The following CATSPERT variants were observed in gnomAD, a reference collection of about 807,000 sequenced individuals.
CATSPERT encodes the protein cation channel sperm-associated targeting subunit tau.
chr2:201,501,392 T>A, the CATSPERT span, among the ~76,000 whole-genome samples: 4 of 77,948 alleles, frequency 5.1e-5, no homozygotes, highest in South Asian at 4.3e-4. Flanking sequence ...CGAAACTCCA[T>A]CTCAAAAAAA....
chr2:201,614,801 T>C, the CATSPERT span, among the ~76,000 whole-genome samples: 1 of 152,198 alleles, frequency 6.6e-6, no homozygotes, highest in Non-Finnish European at 1.5e-5. Context: ...CAGTGTGCTG[T>C]ATTTAGGAGA....
At chr2:201,604,742 T>C in the CATSPERT span, 1 of 1,360,834 alleles carries the variant, frequency 7.3e-7, no homozygotes, top group Non-Finnish European at 1.0e-6. Context: ...AAGACAAACA[T>C]AACTAGATGA....
At chr2:201,588,015 A>C in the CATSPERT span, among the ~76,000 whole-genome samples, 1 of 152,084 alleles carries the variant, frequency 6.6e-6, no homozygotes, top group Non-Finnish European at 1.5e-5. Flanking sequence ...TAGCCTACCA[A>C]CCAGAAAAAG....
chr2:201,544,723 G>A, the CATSPERT span, among the ~76,000 whole-genome samples: 1 of 150,894 alleles, frequency 6.6e-6, no homozygotes. Flanking sequence ...GGTGGCTTAT[G>A]CCTATAATCT....
the CATSPERT span, among the ~76,000 whole-genome samples, chr2:201,567,334 T>C: frequency 6.6e-6 from 1 of 152,194 alleles, no homozygotes; most frequent in Non-Finnish European, 1.5e-5. Context: ...TGTTCCTCTC[T>C]TCCATTATAT....
the CATSPERT span, among the ~76,000 whole-genome samples, chr2:201,515,584 C>T: frequency 1.3e-5 from 2 of 152,040 alleles, no homozygotes; most frequent in Admixed American, 1.3e-4. Context: ...ACCAACAGGG[C>T]ATCACCTGTA....
the CATSPERT span, among the ~76,000 whole-genome samples, chr2:201,586,178 A>G: frequency 6.6e-6 from 1 of 152,140 alleles, no homozygotes; most frequent in African/African-American, 2.4e-5. Context: ...AACATACAAA[A>G]TATGTGTCGA....
the CATSPERT span, chr2:201,547,537 G>C: frequency 2.6e-6 from 4 of 1,558,580 alleles, no homozygotes; most frequent in Non-Finnish European, 3.5e-6. Flanking sequence ...TTTGGCATTA[G>C]AATGCTTTCT....
At chr2:201,600,028 C>T in the CATSPERT span, among the ~76,000 whole-genome samples, 8 of 152,114 alleles carry the variant, frequency 5.3e-5, no homozygotes, top group South Asian at 2.1e-4. Context: ...CACAGTGTGG[C>T]GATTCCTCAA....
chr2:201,591,460 C>A, the CATSPERT span, among the ~76,000 whole-genome samples: 2 of 151,644 alleles, frequency 1.3e-5, no homozygotes, highest in African/African-American at 4.8e-5. Flanking sequence ...ATTGACTTGG[C>A]AATGCGGGCT....
chr2:201,555,598 A>G, the CATSPERT span: 1 of 152,162 alleles, frequency 6.6e-6, no homozygotes, highest in Non-Finnish European at 1.5e-5. Context: ...AGCTCAACGA[A>G]TTTTTATAGG....
the CATSPERT span, among the ~76,000 whole-genome samples, chr2:201,523,727 A>G: frequency 6.6e-6 from 1 of 152,220 alleles, no homozygotes; most frequent in East Asian, 1.9e-4. Flanking sequence ...TTGAAACCCA[A>G]TTCAAGGAAT....
the CATSPERT span, among the ~76,000 whole-genome samples, chr2:201,604,236 C>T: frequency 6.6e-6 from 1 of 151,676 alleles, no homozygotes; most frequent in African/African-American, 2.4e-5. Flanking sequence ...GGCGCAGGAT[C>T]AATTTTCAGA....
At chr2:201,606,428 T>C in the CATSPERT span, among the ~76,000 whole-genome samples, 2 of 152,208 alleles carry the variant, frequency 1.3e-5, no homozygotes, top group African/African-American at 4.8e-5. Context: ...AGGATTTTTA[T>C]CCAACCAAGT....
chr2:201,549,423 T>C, the CATSPERT span, among the ~76,000 whole-genome samples: 3 of 152,092 alleles, frequency 2.0e-5, no homozygotes, highest in Non-Finnish European at 4.4e-5. Context: ...AAATTTCGAA[T>C]GATTTCATGG....
the CATSPERT span, among the ~76,000 whole-genome samples, chr2:201,499,814 CAG>C: frequency 1.2e-4 from 18 of 150,050 alleles, no homozygotes; most frequent in Non-Finnish European, 2.5e-4. Context: ...GCCTGTGCAA[CAG>C]AGTGAGACCC....
the CATSPERT span, among the ~76,000 whole-genome samples, chr2:201,585,795 G>A: frequency 3.3e-5 from 5 of 152,140 alleles, no homozygotes; most frequent in African/African-American, 1.2e-4. Context: ...AAAGAGTAGT[G>A]TATAATCTCC....
chr2:201,560,468 T>TAATAAC, the CATSPERT span, among the ~76,000 whole-genome samples: 477 of 63,120 alleles, frequency 7.6e-3, 2 homozygotes, highest in Non-Finnish European at 0.011. Context: ...ATAATAATAA[T>TAATAAC]AACAACAACA....
the CATSPERT span, among the ~76,000 whole-genome samples, chr2:201,588,934 C>CA: frequency 2.0e-5 from 3 of 152,024 alleles, no homozygotes. Context: ...AATCAATGTG[C>CA]AAAAATCACT....
Sources: gnomAD v4.1 joint callset for allele counts (sites outside exome capture counted in the v4.1 genomes callset) on GRCh38, gnomAD v4.1.1 for gene constraint, MANE v1.5 for transcripts, NCBI Gene and HGNC (gene_info 2026-07-23, HGNC 2026-07-21) for gene names.